Variants in IQCM observed in about 807,000 individuals in gnomAD.
IQCM encodes the protein IQ domain-containing protein M.
IQCM carries 45 observed loss-of-function variants against 57.6 expected under a neutral mutation model. The ratio of observed to expected loss-of-function variants is 0.78; its 90% CI spans 0.62 to 1.00. IQCM has a LOEUF of 1.00. Among genes scored for constraint, IQCM ranks in the 50% least tolerant of loss-of-function variants. The probability of loss-of-function intolerance (pLI) is 0.00; values close to 1 mark genes in which losing one functional copy is unlikely to be tolerated. For synonymous variants in IQCM, 148 were observed against 158.9 expected, an observed-to-expected ratio of 0.93 and a Z score of 0.51; for missense variants, 468 against 511.6, an observed-to-expected ratio of 0.91 and a Z score of 0.82.
intron 8 of IQCM, among the ~76,000 whole-genome samples, chr4:149,615,731 C>T (rs1253725084): frequency 1.3e-5 from 2 of 152,126 alleles, no homozygotes; most frequent in African/African-American, 4.8e-5. Context: ...ATAAGACTAA[C>T]TAAGTTGTAA....
intron 5 of IQCM, among the ~76,000 whole-genome samples, chr4:149,726,916 G>C (rs1444710509): frequency 1.3e-5 from 2 of 152,008 alleles, no homozygotes; most frequent in East Asian, 3.9e-4. Context: ...CATCAAGCCT[G>C]GCTAATTTTT....
At chr4:149,508,438 G>A (rs1744057817) in intron 12 of IQCM, among the ~76,000 whole-genome samples, 2 of 152,154 alleles carry the variant, frequency 1.3e-5, no homozygotes, top group South Asian at 2.1e-4. Context: ...CCCACCTCTT[G>A]CATCAGCATG....
At chr4:149,570,690 G>C (rs1172283268) in intron 9 of IQCM, among the ~76,000 whole-genome samples, 6 of 151,992 alleles carry the variant, frequency 3.9e-5, no homozygotes, top group Non-Finnish European at 8.8e-5. Flanking sequence ...TGATATGTTA[G>C]TATCATATGA....
chr4:149,432,565 C>T (rs1052391070), intron 13 of IQCM, among the ~76,000 whole-genome samples: 4 of 151,894 alleles, frequency 2.6e-5, no homozygotes, highest in African/African-American at 9.7e-5. Context: ...AACCTTATTA[C>T]TACAATCCAG....
chr4:149,567,655 C>G (rs574794156), intron 9 of IQCM, among the ~76,000 whole-genome samples: 28 of 151,900 alleles, frequency 1.8e-4, no homozygotes, highest in Admixed American at 3.9e-4. Flanking sequence ...CCTCAAGTTG[C>G]AAATTAAAAA....
intron 12 of IQCM, among the ~76,000 whole-genome samples, chr4:149,517,972 C>A: frequency 6.6e-6 from 1 of 152,068 alleles, no homozygotes; most frequent in East Asian, 1.9e-4. Context: ...TGTATCTATC[C>A]TATTAGTTCT....
intron 7 of IQCM, among the ~76,000 whole-genome samples, chr4:149,667,665 G>A (rs1042734024): frequency 6.6e-6 from 1 of 151,942 alleles, no homozygotes; most frequent in Non-Finnish European, 1.5e-5. Flanking sequence ...CCCAATGCAA[G>A]GAAGCTAAGA....
chr4:149,619,929 G>C (rs1756173247), intron 8 of IQCM, among the ~76,000 whole-genome samples: 2 of 152,154 alleles, frequency 1.3e-5, no homozygotes, highest in East Asian at 3.9e-4. Context: ...GAGTAAGGTG[G>C]GCAGATCACC....
intron 13 of IQCM, among the ~76,000 whole-genome samples, chr4:149,379,897 G>A (rs2111026757): frequency 6.6e-6 from 1 of 152,218 alleles, no homozygotes; most frequent in Middle Eastern, 3.4e-3. Context: ...AGTTGTGGGA[G>A]GGACCAAGTG....
At chr4:149,592,068 C>A (rs1437502055) in intron 8 of IQCM, among the ~76,000 whole-genome samples, 1 of 152,180 alleles carries the variant, frequency 6.6e-6, no homozygotes, top group Non-Finnish European at 1.5e-5. Context: ...TACAGTCCCA[C>A]CAACAGTGTA....
intron 5 of IQCM, among the ~76,000 whole-genome samples, chr4:149,711,437 G>A (rs963584234): frequency 6.6e-6 from 1 of 152,180 alleles, no homozygotes; most frequent in African/African-American, 2.4e-5. Context: ...ATGTCTCTGA[G>A]TCTGAGTTTT....
intron 2 of IQCM, among the ~76,000 whole-genome samples, chr4:149,789,091 T>C (rs1772337916): frequency 6.6e-6 from 1 of 152,012 alleles, no homozygotes; most frequent in African/African-American, 2.4e-5. Flanking sequence ...AACAGCAAAG[T>C]AGGGTGACTA....
chr4:149,806,820 T>C (rs1774122232), intron 2 of IQCM, among the ~76,000 whole-genome samples: 2 of 151,838 alleles, frequency 1.3e-5, no homozygotes, highest in Admixed American at 1.3e-4. Context: ...CAAATCAAAC[T>C]ATGAGAGCTT....
intron 7 of IQCM, among the ~76,000 whole-genome samples, chr4:149,661,033 A>G (rs1261071951): frequency 1.3e-5 from 2 of 152,088 alleles, no homozygotes; most frequent in Non-Finnish European, 2.9e-5. Context: ...AAATAAAGAT[A>G]AATGGGTATC....
chr4:149,713,751 C>T (rs565417433), intron 5 of IQCM, among the ~76,000 whole-genome samples: 2 of 144,014 alleles, frequency 1.4e-5, no homozygotes, highest in Non-Finnish European at 1.5e-5. Flanking sequence ...TTTTACATTC[C>T]CATCTAAGGC....
chr4:149,790,883 CT>C (rs1561278939), intron 2 of IQCM, among the ~76,000 whole-genome samples: 1 of 151,692 alleles, frequency 6.6e-6, no homozygotes, highest in Non-Finnish European at 1.5e-5. Flanking sequence ...CAAATGTTTA[CT>C]GCTGCATTTT....
At chr4:149,598,452 G>A (rs887849927) in intron 8 of IQCM, among the ~76,000 whole-genome samples, 23 of 152,134 alleles carry the variant, frequency 1.5e-4, no homozygotes, top group African/African-American at 5.1e-4. Context: ...GATAGCACAA[G>A]AGGATACTTC....
intron 13 of IQCM, among the ~76,000 whole-genome samples, chr4:149,368,247 GTTGAA>G (rs1425202816): frequency 2.6e-5 from 4 of 151,784 alleles, no homozygotes; most frequent in Non-Finnish European, 4.4e-5. Context: ...TTTTGGACTT[GTTGAA>G]TTTTTTCAAT....
chr4:149,720,929 G>A (rs1254646070), intron 5 of IQCM, among the ~76,000 whole-genome samples: 1 of 152,082 alleles, frequency 6.6e-6, no homozygotes, highest in Non-Finnish European at 1.5e-5. Context: ...CCATCTCATT[G>A]AAAACAATCT....
Sources: gnomAD v4.1 joint callset for allele counts (sites outside exome capture counted in the v4.1 genomes callset) on GRCh38, gnomAD v4.1.1 for gene constraint, MANE v1.5 for transcripts, NCBI Gene and HGNC (gene_info 2026-07-23, HGNC 2026-07-21) for gene names.